The following KDM4C variants were observed in gnomAD, a reference collection of about 807,000 sequenced individuals.
KDM4C encodes lysine-specific demethylase 4C.
In KDM4C, 81 loss-of-function variants were observed where a neutral mutation model predicts 129.3. The observed-to-expected ratio is 0.63, with a 90% confidence interval of 0.52 to 0.75. The LOEUF is 0.75. Ranked by LOEUF, KDM4C falls within the 30% of genes least tolerant of loss-of-function variation. The pLI is 0.00. For synonymous variants in KDM4C, 573 were observed against 456.1 expected (o/e 1.26, Z -3.26); for missense variants, 1,457 against 1,304.0 (o/e 1.12, Z -1.81).
At position 6,781,085 on chromosome 9, in the gene KDM4C, C is replaced by T. The variant is rs79432374; in HGVS notation, c.-17-11887C>T. ...GTCTCTGCTCTCTAGTTCTGAGTCC[C>T]GGGGAAGTGATTGTGCCAGGCTAGT... On this transcript the variant is annotated intron_variant, in intron 1 of 21. Transcript: ENST00000381309. 5.9e-5 allele frequency among the ~76,000 whole-genome samples: 9 copies of T among 152,030 alleles called. No individual in the cohort carries two copies. The East Asian group carries it at 1.2e-3, about 20-fold the overall frequency.
chr9:7,025,237 A>G (rs1405961726), intron 15 of KDM4C, among the ~76,000 whole-genome samples: 1 of 151,904 alleles, frequency 6.6e-6, no homozygotes, highest in Non-Finnish European at 1.5e-5. Context: ...GCTTATTTTC[A>G]GCCTATGTGT....
chr9:6,782,935 A>G (rs1824682424), intron 1 of KDM4C, among the ~76,000 whole-genome samples: 1 of 152,186 alleles, frequency 6.6e-6, no homozygotes, highest in Non-Finnish European at 1.5e-5. Context: ...AGACTAGAGA[A>G]TGGATGTGAA....
chr9:6,757,883 C>A (rs867343746), upstream of KDM4C: 1 of 985,530 alleles, frequency 1.0e-6, no homozygotes, highest in Non-Finnish European at 1.2e-6. Flanking sequence ...AAGAGCGTGC[C>A]GGGCACCTTT....
intron 18 of KDM4C, among the ~76,000 whole-genome samples, chr9:7,111,407 A>G (rs746549845): frequency 6.6e-6 from 1 of 152,228 alleles, no homozygotes; most frequent in South Asian, 2.1e-4. Context: ...ATTCTGAAAT[A>G]ATTCTGCTCC....
intron 1 of KDM4C, among the ~76,000 whole-genome samples, chr9:6,747,316 G>A (rs938745735): frequency 1.3e-5 from 2 of 152,022 alleles, no homozygotes; most frequent in Non-Finnish European, 2.9e-5. Context: ...GGGAGGCCGA[G>A]AGGGGCGGAT....
upstream of KDM4C, among the ~76,000 whole-genome samples, chr9:6,753,026 TAGC>T (rs1818126298): frequency 6.6e-6 from 1 of 152,136 alleles, no homozygotes; most frequent in Non-Finnish European, 1.5e-5. Context: ...GAGTCAGAAA[TAGC>T]AGCTGCTTTT....
intron 2 of KDM4C, among the ~76,000 whole-genome samples, chr9:6,795,970 C>T (rs141018747): frequency 3.8e-4 from 58 of 152,158 alleles, no homozygotes; most frequent in Middle Eastern, 3.4e-3. Flanking sequence ...CTGCCCCTGG[C>T]CCCTTCCTAG....
chr9:6,779,034 T>TTC (rs1386330600), intron 1 of KDM4C, among the ~76,000 whole-genome samples: 6 of 111,060 alleles, frequency 5.4e-5, no homozygotes, highest in Non-Finnish European at 1.2e-4. Flanking sequence ...ATTAAAGTCT[T>TTC]TTTTTTTTTT....
chr9:7,166,620 G>A (rs943939078), intron 20 of KDM4C, among the ~76,000 whole-genome samples: 16 of 152,220 alleles, frequency 1.1e-4, no homozygotes, highest in Admixed American at 3.3e-4. Flanking sequence ...CTATAATACC[G>A]GAGGATCCTG....
chr9:6,749,941 G>C (rs889299139), intron 1 of KDM4C, among the ~76,000 whole-genome samples: 18 of 133,728 alleles, frequency 1.3e-4, no homozygotes, highest in Admixed American at 1.7e-4. Flanking sequence ...AGCCAAGATT[G>C]TGCCATTGTA....
At chr9:7,103,360 A>G (rs1416056229) in intron 17 of KDM4C, among the ~76,000 whole-genome samples, 1 of 152,204 alleles carries the variant, frequency 6.6e-6, no homozygotes, top group Non-Finnish European at 1.5e-5. Flanking sequence ...TTCATGGATT[A>G]TTTATAGGAG....
intron 5 of KDM4C, among the ~76,000 whole-genome samples, chr9:6,878,510 G>T (rs1843921613): frequency 6.6e-6 from 1 of 152,182 alleles, no homozygotes. Flanking sequence ...GTATGATTCA[G>T]ATCCTAGGAG....
At chr9:7,046,775 T>A (rs1201150852) in intron 15 of KDM4C, 87 bp from the exon 16 acceptor site, 13 of 918,586 alleles carry the variant, frequency 1.4e-5, no homozygotes, top group Non-Finnish European at 2.2e-5. Flanking sequence ...GAATGAAAAA[T>A]CAGGATCTCT....
chr9:7,011,505 T>C (rs1443634233), intron 12 of KDM4C, among the ~76,000 whole-genome samples, 193 bp from the exon 13 acceptor site: 1 of 152,152 alleles, frequency 6.6e-6, no homozygotes, highest in African/African-American at 2.4e-5. Flanking sequence ...TGATCTAGTC[T>C]TTGAGGCTTG....
At chr9:6,771,010 G>A (rs1821709326) in intron 1 of KDM4C, among the ~76,000 whole-genome samples, 3 of 147,708 alleles carry the variant, frequency 2.0e-5, no homozygotes, top group East Asian at 2.0e-4. Context: ...TCCTGACCTC[G>A]TGATCCACCC....
chr9:6,949,635 T>C lies in KDM4C; in HGVS notation c.922-31290T>C, dbSNP rs374493505. On this transcript the variant is annotated intron_variant, in intron 8 of 21. Transcript: ENST00000381309. ...TGGCAGATCACTCGCGGTTAGGAGC[T>C]GGAGACCAGCCCGGCCAACACAGCG... is the stretch of plus-strand genomic sequence containing the variant. Among the ~76,000 whole-genome samples the C allele has an allele frequency of 7.6e-3, 1,164 of 152,204 alleles. 11 individuals carry two copies. The highest frequency in any genetic ancestry group is 0.025 in the African/African-American group (1,056 of 41,514).
chr9:7,083,169 C>T (rs1834729849), intron 17 of KDM4C, among the ~76,000 whole-genome samples: 1 of 152,180 alleles, frequency 6.6e-6, no homozygotes, highest in Non-Finnish European at 1.5e-5. Flanking sequence ...TTGAGTATCT[C>T]TTATCCAAAA....
At chr9:6,851,854 G>T (rs1838900671) in intron 5 of KDM4C, among the ~76,000 whole-genome samples, 1 of 152,152 alleles carries the variant, frequency 6.6e-6, no homozygotes, top group African/African-American at 2.4e-5. Flanking sequence ...CACTAATCAT[G>T]AGTGAGAATA....
intron 8 of KDM4C, among the ~76,000 whole-genome samples, chr9:6,975,822 G>A (rs1356878330): frequency 3.3e-5 from 5 of 152,190 alleles, no homozygotes; most frequent in African/African-American, 1.2e-4. Context: ...TGGATCACCC[G>A]AGGTCAGGAG....
Sources: gnomAD v4.1 joint callset for allele counts (sites outside exome capture counted in the v4.1 genomes callset) on GRCh38, gnomAD v4.1.1 for gene constraint, MANE v1.5 for transcripts, NCBI Gene and HGNC (gene_info 2026-07-23, HGNC 2026-07-21) for gene names.